Variants in TM9SF2 observed in about 807,000 individuals in gnomAD.
TM9SF2 encodes the protein transmembrane 9 superfamily member 2, also known as 76 kDa membrane protein.
In TM9SF2, 13 loss-of-function variants were observed where a neutral mutation model predicts 84.9. The ratio of observed to expected loss-of-function variants is 0.15; its 90% CI spans 0.10 to 0.24. The LOEUF is 0.24. TM9SF2 is among the 10% of genes least tolerant of loss of function. TM9SF2 has a pLI of 1.00. For synonymous variants in TM9SF2, 273 were observed against 285.8 expected (o/e 0.96, Z 0.45); for missense variants, 562 against 818.5 (o/e 0.69, Z 3.82).
At chr13:99,543,767 T>C in intron 9 of TM9SF2, 96 bp from the exon 10 acceptor site, 1 of 1,469,704 alleles carries the variant, frequency 6.8e-7, no homozygotes, top group Non-Finnish European at 9.1e-7. Context: ...AAAAAAAACC[T>C]GTTTTCTGTA....
chr13:99,511,458 C>G (rs186662925), intron 1 of TM9SF2, among the ~76,000 whole-genome samples: 6 of 152,238 alleles, frequency 3.9e-5, no homozygotes, highest in Admixed American at 2.0e-4. Context: ...TCTTATGACA[C>G]TTTTGAAATT....
At chr13:99,541,732 G>A in intron 9 of TM9SF2, 65 bp downstream of exon 9, 1 of 1,044,056 alleles carries the variant, frequency 9.6e-7, no homozygotes, top group South Asian at 1.7e-5. Context: ...TTGCAAAAAG[G>A]TAAAATAATA....
chr13:99,562,753 G>A lies in TM9SF2; in HGVS notation c.1987G>A (p.Asp663Asn). 1 of 1,613,026 alleles carries A rather than the reference G, an allele frequency of 6.2e-7. No homozygotes were observed. The highest frequency in any genetic ancestry group is 8.5e-7 in the Non-Finnish European group (1 of 1,179,544). Residue 663 changes from aspartate to asparagine, a missense_variant, in exon 17 of 17, where the codon GAC (aspartate) becomes AAC (asparagine). Physicochemically the swap from Asp to Asn is conservative, Grantham distance 23. Around this residue, in one of 4 missense-constraint regions of TM9SF2, gnomAD observed 63 missense variants for 109.2 expected, o/e 0.58. Coordinates refer to ENST00000376387, the MANE Select transcript of TM9SF2 (RefSeq NM_004800.3). ...VTKIYSVVKV[D>N] ...CAAAATATACAGTGTGGTGAAGGTT[G>A]ACTGAAGAAGTCCAGTGTGTCCAGT...
intron 10 of TM9SF2, among the ~76,000 whole-genome samples, chr13:99,546,568 T>C (rs1190690052): frequency 7.2e-6 from 1 of 139,682 alleles, no homozygotes; most frequent in Non-Finnish European, 1.5e-5. Flanking sequence ...AGGTTTTGGG[T>C]TTTTTTTTTT....
chr13:99,547,535 A>G (rs970539244), intron 11 of TM9SF2, among the ~76,000 whole-genome samples: 4 of 152,240 alleles, frequency 2.6e-5, no homozygotes, highest in African/African-American at 9.6e-5. Context: ...CTTACATTGT[A>G]TCAATTTAAT....
intron 15 of TM9SF2, among the ~76,000 whole-genome samples, chr13:99,556,435 T>G: frequency 6.6e-6 from 1 of 152,232 alleles, no homozygotes; most frequent in Middle Eastern, 3.2e-3. Flanking sequence ...GCCAACGGTC[T>G]GCTTTCTGTC....
chr13:99,541,683 T>C lies in TM9SF2; in HGVS notation c.1017+16T>C. 1 of 1,522,482 alleles carries C rather than the reference T, an allele frequency of 6.6e-7. No homozygotes were observed. The highest frequency in any genetic ancestry group is 9.1e-7 in the Non-Finnish European group (1 of 1,103,528). The allele number at this position is 1,522,482 out of a possible 1,614,324, so 94.3% of individuals were successfully genotyped here. A position where few individuals can be genotyped will look rare whatever the true frequency, so the allele number is the denominator to read the frequency against. ...GGACTCTACGGTAAGTGGAAACATTTTAGTCTTTAGTCTGCCAAGGACACT... is the reference window on the plus strand; with the variant it reads ...GGACTCTACGGTAAGTGGAAACATTCTAGTCTTTAGTCTGCCAAGGACACT... On this transcript the variant is annotated intron_variant, in intron 9 of 16. Coordinates refer to ENST00000376387, the MANE Select transcript of TM9SF2 (RefSeq NM_004800.3).
chr13:99,561,486 C>T (rs1411277977), intron 16 of TM9SF2, among the ~76,000 whole-genome samples: 1 of 152,086 alleles, frequency 6.6e-6, no homozygotes. Flanking sequence ...TTCATTATTG[C>T]TTTTCTGAAA....
intron 10 of TM9SF2, among the ~76,000 whole-genome samples, chr13:99,546,759 A>G (rs1039893825): frequency 2.6e-5 from 4 of 152,066 alleles, no homozygotes; most frequent in African/African-American, 9.7e-5. Flanking sequence ...CTCATTCTGG[A>G]CTCTGAGAAG....
At chr13:99,537,237 G>C (rs1051227849) in intron 5 of TM9SF2, among the ~76,000 whole-genome samples, 1 of 152,122 alleles carries the variant, frequency 6.6e-6, no homozygotes, top group African/African-American at 2.4e-5. Flanking sequence ...TGTGTAATCA[G>C]ATCAACCTGA....
intron 1 of TM9SF2, among the ~76,000 whole-genome samples, chr13:99,508,386 GA>G (rs376911701): frequency 3.0e-4 from 38 of 125,462 alleles, no homozygotes; most frequent in South Asian, 2.2e-3. Context: ...TTTAGAGTGG[GA>G]AAAAAAAGGC....
At chr13:99,547,147 C>G (rs769704069) in intron 11 of TM9SF2, 43 bp downstream of exon 11, 1 of 1,607,032 alleles carries the variant, frequency 6.2e-7, no homozygotes, top group East Asian at 2.2e-5. Context: ...CAGGAAGGGA[C>G]TCTGCTGCGG....
At chr13:99,529,784 C>G (rs1458444210) in intron 4 of TM9SF2, among the ~76,000 whole-genome samples, 190 bp downstream of exon 4, 1 of 152,140 alleles carries the variant, frequency 6.6e-6, no homozygotes, top group Non-Finnish European at 1.5e-5. Flanking sequence ...AAAGTATCAT[C>G]TTTTAACTGT....
At chr13:99,550,065 C>G (rs2046299411) in intron 12 of TM9SF2, among the ~76,000 whole-genome samples, 1 of 152,138 alleles carries the variant, frequency 6.6e-6, no homozygotes, top group African/African-American at 2.4e-5. Flanking sequence ...CCGTCCTTAC[C>G]AAGACTGTGA....
At chr13:99,509,447 C>A (rs1280635502) in intron 1 of TM9SF2, among the ~76,000 whole-genome samples, 1 of 152,258 alleles carries the variant, frequency 6.6e-6, no homozygotes, top group Non-Finnish European at 1.5e-5. Flanking sequence ...TTTTCTCATC[C>A]TCTGAAATCT....
At position 99,554,316 on chromosome 13, in the gene TM9SF2, C is replaced by T; in HGVS notation, c.1501C>T (p.Pro501Ser). 1 of 1,611,282 alleles carries T rather than the reference C, an allele frequency of 6.2e-7. No homozygotes were observed. Among genetic ancestry groups the T allele is most frequent in the Non-Finnish European group, 8.5e-7 (1 of 1,178,924 alleles). ...FGFKKNAIEH[P>S]VRTNQIPRQI... is the part of the protein sequence containing the mutation. ...TTTTTTACTGAAGGCCATTGAACAC[C>T]CAGTTCGAACCAATCAGATTCCACG... Residue 501 changes from proline (P) to serine (S), a missense_variant, in exon 14 of 17, where the codon CCA (proline) becomes TCA (serine). By Grantham distance (74) the Pro-to-Ser change is moderately conservative. This residue lies in a region of TM9SF2 where 219 missense variants were observed against 338.1 expected (regional missense o/e 0.65). Coordinates refer to ENST00000376387, the MANE Select transcript of TM9SF2 (RefSeq NM_004800.3).
chr13:99,533,296 A>C (rs2046218789), intron 4 of TM9SF2, among the ~76,000 whole-genome samples: 1 of 152,238 alleles, frequency 6.6e-6, no homozygotes, highest in Non-Finnish European at 1.5e-5. Context: ...TGTCAGTCTC[A>C]GCCTCATTTC....
intron 11 of TM9SF2, 113 bp from the exon 12 acceptor site, chr13:99,549,052 G>A: frequency 1.3e-6 from 1 of 773,330 alleles, no homozygotes; most frequent in East Asian, 2.5e-5. Context: ...CATTTTCTAG[G>A]AATGAGTACT....
intron 6 of TM9SF2, among the ~76,000 whole-genome samples, chr13:99,538,629 C>T (rs1012459325): frequency 6.6e-6 from 1 of 151,938 alleles, no homozygotes; most frequent in Non-Finnish European, 1.5e-5. Flanking sequence ...GACCCTGTCT[C>T]TACAGAAAAT....
Sources: gnomAD v4.1 joint callset for allele counts (sites outside exome capture counted in the v4.1 genomes callset) on GRCh38, gnomAD v4.1.1 for gene constraint, gnomAD v4.1.1 regional missense constraint, MANE v1.5 for transcripts, NCBI Gene and HGNC (gene_info 2026-07-23, HGNC 2026-07-21) for gene names.